The following BTBD9 variants were observed in gnomAD, a reference collection of about 807,000 sequenced individuals.
BTBD9 encodes BTB domain containing 9.
BTBD9 carries 49 observed loss-of-function variants against 64.3 expected under a neutral mutation model. The observed-to-expected ratio is 0.76, with a 90% CI of 0.61 to 0.97. The LOEUF is 0.97. BTBD9 is among the 50% of genes least tolerant of loss of function. BTBD9 has a pLI of 0.00. For synonymous variants in BTBD9, 260 were observed against 274.7 expected (o/e 0.95, Z 0.53); for missense variants, 598 against 762.1 (o/e 0.78, Z 2.53).
At chr6:38,490,449 TA>T (rs1394594040) in intron 6 of BTBD9, among the ~76,000 whole-genome samples, 1 of 152,052 alleles carries the variant, frequency 6.6e-6, no homozygotes, top group African/African-American at 2.4e-5. Context: ...GTCTCCCGAG[TA>T]GCTGGGATTA....
chr6:38,237,962 T>C (rs1255394249), intron 9 of BTBD9, among the ~76,000 whole-genome samples: 1 of 151,480 alleles, frequency 6.6e-6, no homozygotes, highest in Non-Finnish European at 1.5e-5. Context: ...ATAAAGAGAG[T>C]CCCTGTCTCT....
rs182420836 is a variant in BTBD9, at chr6:38,240,044, C to T, written c.1562+16365G>A. 3.2e-4 allele frequency among the ~76,000 whole-genome samples: 49 copies of T among 152,272 alleles called. 1 individual carries two copies. In the South Asian group the frequency reaches 5.4e-3, roughly 17 times the overall value. ...GTAACAAAGGAGTGGACTGGCTGAG[C>T]GTGCAAGGCTGCTATCCTGCCATCT... On this transcript the variant is annotated intron_variant, in intron 9 of 10. Transcript: ENST00000481247.
At position 38,627,584 on chromosome 6, in the gene BTBD9, C is replaced by T. The variant is rs187344218; in HGVS notation, c.-28+12216G>A. Among the ~76,000 whole-genome samples, 8 of 152,214 alleles carry T rather than the reference C, an allele frequency of 5.3e-5. No individual in the cohort carries two copies. In the South Asian group the frequency reaches 1.7e-3, roughly 32 times the overall value. On this transcript the variant is annotated intron_variant, in intron 1 of 10. Coordinates refer to ENST00000481247, the MANE Select transcript of BTBD9 (RefSeq NM_001099272.2). The stretch of plus-strand genomic sequence containing the variant: ...GCATCCCCAAACACAAGAACAGCAC[C>T]GGTGTTGGCAATGAACCAATGGTAA...
intron 6 of BTBD9, among the ~76,000 whole-genome samples, chr6:38,450,194 T>G (rs1380920261): frequency 6.6e-6 from 1 of 152,236 alleles, no homozygotes; most frequent in Non-Finnish European, 1.5e-5. Context: ...CTCACTCATA[T>G]GTGGAATCTA....
intron 9 of BTBD9, among the ~76,000 whole-genome samples, chr6:38,217,853 G>A (rs1582066742): frequency 2.0e-5 from 3 of 152,082 alleles, no homozygotes; most frequent in South Asian, 2.1e-4. Context: ...CAAGTCAAAC[G>A]AGGCAGAGGC....
chr6:38,181,990 GACAA>G (rs56722679), intron 10 of BTBD9, among the ~76,000 whole-genome samples: 16,013 of 151,860 alleles, frequency 0.11, 935 homozygotes, highest in African/African-American at 0.14. Context: ...CTGTCTCAAA[GACAA>G]ACAAACAAAC....
intron 6 of BTBD9, among the ~76,000 whole-genome samples, chr6:38,433,986 C>G (rs11970228): frequency 0.22 from 32,718 of 151,768 alleles, 4,965 homozygotes; most frequent in East Asian, 0.47. Flanking sequence ...AGGGGTCTGG[C>G]GAGTCATGCT....
At chr6:38,398,871 C>T (rs895775590) in intron 6 of BTBD9, among the ~76,000 whole-genome samples, 1 of 151,982 alleles carries the variant, frequency 6.6e-6, no homozygotes, top group Non-Finnish European at 1.5e-5. Context: ...ATATACACTC[C>T]CTGCCCTCAG....
At chr6:38,311,157 T>C (rs1465141183) in intron 7 of BTBD9, among the ~76,000 whole-genome samples, 1 of 152,112 alleles carries the variant, frequency 6.6e-6, no homozygotes. Context: ...TTGACTATAG[T>C]CACCTTGCTG....
At chr6:38,607,325 T>C (rs981091322) in intron 1 of BTBD9, among the ~76,000 whole-genome samples, 2 of 152,138 alleles carry the variant, frequency 1.3e-5, no homozygotes, top group Non-Finnish European at 2.9e-5. Flanking sequence ...ACTCAACATA[T>C]ACTGACGATA....
chr6:38,207,814 T>C (rs1318767340), intron 9 of BTBD9, among the ~76,000 whole-genome samples: 1 of 152,164 alleles, frequency 6.6e-6, no homozygotes. Context: ...TTTTTTGGAA[T>C]ATATAGTTTT....
At chr6:38,280,771 G>A (rs1761479808) in intron 8 of BTBD9, among the ~76,000 whole-genome samples, 1 of 152,208 alleles carries the variant, frequency 6.6e-6, no homozygotes, top group African/African-American at 2.4e-5. Flanking sequence ...TGCTGGAGAT[G>A]TTGGATCTTT....
chr6:38,303,076 C>G (rs1370333289), intron 7 of BTBD9, among the ~76,000 whole-genome samples: 1 of 152,152 alleles, frequency 6.6e-6, no homozygotes, highest in Non-Finnish European at 1.5e-5. Context: ...AATAGATTCT[C>G]CCATTCTGTA....
intron 8 of BTBD9, among the ~76,000 whole-genome samples, chr6:38,276,005 C>T (rs1217867821): frequency 1.3e-5 from 2 of 152,144 alleles, no homozygotes; most frequent in African/African-American, 4.8e-5. Context: ...TGGGTATATA[C>T]CCAAAGGACT....
At chr6:38,605,584 A>C (rs1777404765) in intron 1 of BTBD9, among the ~76,000 whole-genome samples, 1 of 152,198 alleles carries the variant, frequency 6.6e-6, no homozygotes, top group South Asian at 2.1e-4. Flanking sequence ...TCTCTCTCAC[A>C]AAATGACAAG....
intron 7 of BTBD9, among the ~76,000 whole-genome samples, chr6:38,294,591 G>C (rs1418623183): frequency 1.3e-5 from 2 of 152,074 alleles, no homozygotes; most frequent in African/African-American, 2.4e-5. Context: ...TCATAAGTGG[G>C]AGTTAAACAA....
intron 6 of BTBD9, among the ~76,000 whole-genome samples, chr6:38,524,162 T>C (rs1228387911): frequency 6.6e-6 from 1 of 151,726 alleles, no homozygotes; most frequent in African/African-American, 2.4e-5. Context: ...ATATAAAATA[T>C]AAGAAAGTGA....
At chr6:38,484,877 G>A (rs778774440) in intron 6 of BTBD9, among the ~76,000 whole-genome samples, 9 of 152,216 alleles carry the variant, frequency 5.9e-5, no homozygotes, top group Non-Finnish European at 1.3e-4. Flanking sequence ...GGTGGTTGCT[G>A]AAGGCTGGGG....
chr6:38,313,747 C>CTTTT (rs765375990), intron 7 of BTBD9, among the ~76,000 whole-genome samples: 8 of 128,906 alleles, frequency 6.2e-5, no homozygotes, highest in African/African-American at 8.6e-5. Flanking sequence ...GATGAATTAT[C>CTTTT]TTTTTTTTTT....
Sources: allele counts gnomAD v4.1 joint callset (sites outside exome capture counted in the v4.1 genomes callset), GRCh38; gene constraint gnomAD v4.1.1; transcripts MANE v1.5; gene names NCBI Gene and HGNC (gene_info 2026-07-23, HGNC 2026-07-21).